KCNH1: variants seen among roughly 807,000 people sequenced by gnomAD.
KCNH1 encodes voltage-gated delayed rectifier potassium channel KCNH1.
In KCNH1, 27 loss-of-function variants were observed where a neutral mutation model predicts 69.2. That is an observed-to-expected ratio of 0.39 (90% CI 0.29 to 0.54). The LOEUF is 0.54. Ranked by LOEUF, KCNH1 falls within the 20% of genes least tolerant of loss-of-function variation. KCNH1 has a pLI of 0.68. For missense variants in KCNH1, 798 were observed against 1,261.6 expected (o/e 0.63, Z 5.57); for synonymous variants, 456 against 487.7 (o/e 0.93, Z 0.86).
intron 9 of KCNH1, among the ~76,000 whole-genome samples, chr1:210,785,194 GAGA>G (rs1396684162): frequency 1.3e-5 from 2 of 152,176 alleles, no homozygotes; most frequent in East Asian, 3.9e-4. Flanking sequence ...AGATTTCATA[GAGA>G]AGATGAGAAT....
intron 6 of KCNH1, among the ~76,000 whole-genome samples, chr1:210,968,797 A>T (rs966766534): frequency 1.3e-5 from 2 of 151,618 alleles, no homozygotes; most frequent in South Asian, 4.2e-4. Flanking sequence ...GGTTGCAAAA[A>T]TTTTCTCCCA....
chr1:210,691,528 A>C (rs940933991), intron 10 of KCNH1, among the ~76,000 whole-genome samples: 29 of 152,208 alleles, frequency 1.9e-4, no homozygotes, highest in Non-Finnish European at 3.7e-4. Flanking sequence ...CCCTGCCCAC[A>C]CCATGTATGA....
chr1:210,983,836 G>A (rs1241344309), intron 6 of KCNH1, among the ~76,000 whole-genome samples: 1 of 152,150 alleles, frequency 6.6e-6, no homozygotes, highest in Non-Finnish European at 1.5e-5. Flanking sequence ...GATGGGAATG[G>A]CATTCAATCT....
chr1:210,854,344 A>G (rs1167560080), intron 7 of KCNH1, among the ~76,000 whole-genome samples: 3 of 152,232 alleles, frequency 2.0e-5, no homozygotes, highest in Non-Finnish European at 4.4e-5. Context: ...AAATTGCTTC[A>G]GATTAATTCA....
At chr1:210,941,117 G>T (rs1687868230) in intron 6 of KCNH1, among the ~76,000 whole-genome samples, 1 of 152,208 alleles carries the variant, frequency 6.6e-6, no homozygotes, top group Non-Finnish European at 1.5e-5. Flanking sequence ...CATTAGGAAA[G>T]CATCGCCTTG....
intron 1 of KCNH1, among the ~76,000 whole-genome samples, chr1:211,115,746 CAT>C (rs1691566316): frequency 7.5e-6 from 1 of 132,914 alleles, no homozygotes; most frequent in African/African-American, 2.8e-5. Flanking sequence ...CACACACACA[CAT>C]ACACATCCTA....
chr1:211,115,179 A>G (rs7532377), intron 1 of KCNH1, among the ~76,000 whole-genome samples: 115,175 of 152,028 alleles, frequency 0.76, 44,232 homozygotes, highest in African/African-American at 0.88. Flanking sequence ...AGTAGAGACG[A>G]GGATTCACCA....
At chr1:210,887,231 G>A (rs1208251188) in intron 7 of KCNH1, among the ~76,000 whole-genome samples, 1 of 152,142 alleles carries the variant, frequency 6.6e-6, no homozygotes, top group African/African-American at 2.4e-5. Context: ...AGAGAGTGGG[G>A]TACAATATTC....
At chr1:210,772,078 CTG>C (rs1167346143) in intron 10 of KCNH1, among the ~76,000 whole-genome samples, 3 of 152,204 alleles carry the variant, frequency 2.0e-5, no homozygotes, top group African/African-American at 4.8e-5. Context: ...GAACAGGAAA[CTG>C]TGATCAGGAA....
chr1:211,049,735 A>T (rs1378618843), intron 5 of KCNH1, among the ~76,000 whole-genome samples: 1 of 152,216 alleles, frequency 6.6e-6, no homozygotes, highest in Non-Finnish European at 1.5e-5. Flanking sequence ...GAAAGAAAAG[A>T]CACAGGCTTG....
intron 6 of KCNH1, 87 bp from the exon 7 acceptor site, chr1:210,920,156 G>T: frequency 8.4e-7 from 1 of 1,194,492 alleles, no homozygotes; most frequent in Non-Finnish European, 1.2e-6. Flanking sequence ...ATTATTTTAA[G>T]CATAGTGTAT....
chr1:210,722,766 T>C (rs1682501144), intron 10 of KCNH1, among the ~76,000 whole-genome samples: 1 of 152,200 alleles, frequency 6.6e-6, no homozygotes, highest in African/African-American at 2.4e-5. Flanking sequence ...TTCTGAAATA[T>C]CTTGGAATCA....
At chr1:210,833,185 A>G (rs1685201080) in intron 7 of KCNH1, among the ~76,000 whole-genome samples, 1 of 152,148 alleles carries the variant, frequency 6.6e-6, no homozygotes, top group Non-Finnish European at 1.5e-5. Context: ...ATTACTAAAT[A>G]TGATATATTT....
intron 6 of KCNH1, among the ~76,000 whole-genome samples, chr1:210,947,839 A>T (rs1687988121): frequency 6.6e-6 from 1 of 152,192 alleles, no homozygotes; most frequent in African/African-American, 2.4e-5. Flanking sequence ...GATCTTGAGC[A>T]TATCACTTAA....
chr1:210,735,892 C>T (rs1682869146), intron 10 of KCNH1, among the ~76,000 whole-genome samples: 1 of 151,930 alleles, frequency 6.6e-6, no homozygotes, highest in Non-Finnish European at 1.5e-5. Context: ...TCAGTTTTGC[C>T]AGAACTGTTT....
chr1:210,821,736 A>G (rs1259668732), intron 7 of KCNH1, among the ~76,000 whole-genome samples: 1 of 152,196 alleles, frequency 6.6e-6, no homozygotes, highest in Non-Finnish European at 1.5e-5. Context: ...TTGAAGCTGT[A>G]CGACTATTTA....
chr1:211,057,756 C>G (rs1349361401), intron 5 of KCNH1, among the ~76,000 whole-genome samples: 1 of 151,642 alleles, frequency 6.6e-6, no homozygotes, highest in Non-Finnish European at 1.5e-5. Context: ...AAGTTATTGG[C>G]CTTAAAGAGG....
At chr1:210,700,690 A>G (rs1395910532) in intron 10 of KCNH1, among the ~76,000 whole-genome samples, 1 of 152,216 alleles carries the variant, frequency 6.6e-6, no homozygotes, top group African/African-American at 2.4e-5. Context: ...AGGCTGCTCA[A>G]TTCTGCCACG....
intron 10 of KCNH1, among the ~76,000 whole-genome samples, chr1:210,703,658 T>C (rs1433866694): frequency 6.6e-6 from 1 of 152,224 alleles, no homozygotes; most frequent in African/African-American, 2.4e-5. Context: ...CAAGATTAAA[T>C]GCTGCCTTCC....
Sources: gnomAD v4.1 joint callset for allele counts (sites outside exome capture counted in the v4.1 genomes callset) on GRCh38, gnomAD v4.1.1 for gene constraint, MANE v1.5 for transcripts, NCBI Gene and HGNC (gene_info 2026-07-23, HGNC 2026-07-21) for gene names.